HPSE2: variants seen among roughly 807,000 people sequenced by gnomAD.
HPSE2 encodes heparanase 2 (inactive).
Under a neutral mutation model 60.5 loss-of-function variants are expected in HPSE2, and 38 were observed. The ratio of observed to expected loss-of-function variants is 0.63; its 90% CI spans 0.48 to 0.82. HPSE2 has a LOEUF of 0.82. HPSE2 is among the 40% of genes least tolerant of loss of function. The pLI is 0.00. For synonymous variants in HPSE2, 295 were observed against 293.2 expected, an observed-to-expected ratio of 1.01 and a Z score of -0.06; for missense variants, 713 against 740.4, an observed-to-expected ratio of 0.96 and a Z score of 0.43.
rs77472829 is a variant in HPSE2 at position 99,125,193 on chromosome 10, G to A, written c.610+19045C>T. 5.1e-3 allele frequency among the ~76,000 whole-genome samples: 775 copies of A among 152,190 alleles called. 6 individuals are homozygous for A. The highest frequency in any genetic ancestry group is 8.2e-3 in the Non-Finnish European group (559 of 68,008). On this transcript the variant is annotated intron_variant, in intron 3 of 11. Coordinates refer to ENST00000370552, the MANE Select transcript of HPSE2 (RefSeq NM_021828.5). Reference sequence around the variant, plus strand: ...TGATCCCTAATAAGGAAAGCTTTACGCTCCCAAACCTAAGAATCACTGCTC... The same window carrying A: ...TGATCCCTAATAAGGAAAGCTTTACACTCCCAAACCTAAGAATCACTGCTC...
At chr10:98,987,118 A>T (rs1437138555) in intron 3 of HPSE2, among the ~76,000 whole-genome samples, 1 of 152,050 alleles carries the variant, frequency 6.6e-6, no homozygotes, top group African/African-American at 2.4e-5. Flanking sequence ...ATAGAAAAAG[A>T]GGGAATCCTC....
rs978895211 is a variant in HPSE2, at chr10:98,902,959, C to T, written c.611-158903G>A. ...GGAGAATTAAAAACATATGCCCACA[C>T]AAAAACTTGAACACAATGCTTATAG... On this transcript the variant is annotated intron_variant, in intron 3 of 11. Coordinates refer to ENST00000370552, the MANE Select transcript of HPSE2 (RefSeq NM_021828.5). Among the ~76,000 whole-genome samples, 3 of 151,960 alleles carry T rather than the reference C, an allele frequency of 2.0e-5. No homozygotes were observed. In the East Asian group the frequency reaches 5.8e-4, roughly 29 times the overall value.
Position 99,090,126 on chromosome 10 carries a change from T to C in HPSE2, c.610+54112A>G, listed in dbSNP as rs192320736. Among the ~76,000 whole-genome samples the C allele has an allele frequency of 1.8e-3, 273 of 152,246 alleles. 2 individuals are homozygous for C. The highest frequency in any genetic ancestry group is 6.0e-3 in the African/African-American group (248 of 41,580). On this transcript the variant is annotated intron_variant, in intron 3 of 11. Transcript: ENST00000370552. ...TCATGTCATCAGCAAACAGTGACAA[T>C]TGGGCTTCCTCTTTACTGATCTGGA...
At position 98,507,392 on chromosome 10, in the gene HPSE2, G is replaced by A. The variant is rs145523451; in HGVS notation, c.1321-17196C>T. Among the ~76,000 whole-genome samples the A allele has an allele frequency of 3.4e-3, 512 of 152,268 alleles. 5 individuals carry two copies. Among genetic ancestry groups the A allele is most frequent in the African/African-American group, 0.012 (481 of 41,554 alleles). ...TTATCAGAGCTTCCTTTAGGAAGAC[G>A]ACGTTATTGACCCAGGTATAGGCTG... On this transcript the variant is annotated intron_variant, in intron 9 of 11. Transcript: ENST00000370552.
chr10:98,630,835 C>T (rs763514743), intron 7 of HPSE2, among the ~76,000 whole-genome samples: 4 of 152,114 alleles, frequency 2.6e-5, no homozygotes, highest in Non-Finnish European at 5.9e-5. Context: ...AACTAATAAT[C>T]TCAGTATCAC....
chr10:98,522,309 G>A (rs1445581870), intron 9 of HPSE2, among the ~76,000 whole-genome samples: 1 of 151,812 alleles, frequency 6.6e-6, no homozygotes, highest in African/African-American at 2.4e-5. Context: ...ATCAGGCTGT[G>A]GAGAGATAGA....
intron 3 of HPSE2, among the ~76,000 whole-genome samples, chr10:99,111,565 C>T (rs536868665): frequency 6.6e-6 from 1 of 152,312 alleles, no homozygotes; most frequent in African/African-American, 2.4e-5. Context: ...AATTGTTCAA[C>T]AATTCGAATT....
chr10:99,149,968 T>C (rs1341357117), intron 2 of HPSE2, among the ~76,000 whole-genome samples: 3 of 152,036 alleles, frequency 2.0e-5, no homozygotes, highest in Admixed American at 2.0e-4. Context: ...CAGATGTTCT[T>C]TGTTGTTATG....
chr10:98,561,984 A>G (rs987775878), intron 9 of HPSE2, among the ~76,000 whole-genome samples: 1 of 152,184 alleles, frequency 6.6e-6, no homozygotes, highest in African/African-American at 2.4e-5. Flanking sequence ...TTCACTCAAC[A>G]CTCATTTATT....
intron 3 of HPSE2, among the ~76,000 whole-genome samples, chr10:99,111,353 T>C (rs1159664878): frequency 1.3e-5 from 2 of 152,210 alleles, no homozygotes; most frequent in African/African-American, 2.4e-5. Context: ...TGTATTCTTT[T>C]TCTTAAAGAG....
chr10:98,812,102 G>C (rs1341389350), intron 3 of HPSE2, among the ~76,000 whole-genome samples: 1 of 152,014 alleles, frequency 6.6e-6, no homozygotes, highest in African/African-American at 2.4e-5. Context: ...CATTTGATTT[G>C]TGTGGTTCTT....
rs1432296434 is a variant in HPSE2 at position 98,931,730 on chromosome 10, T to C, written c.611-187674A>G. ...AGGTATTTTATTCTCTTTGTCACAA[T>C]TGTGAATGGGAGTTCATTCACGATT... On this transcript the variant is annotated intron_variant, in intron 3 of 11. Transcript: ENST00000370552. 4.9e-5 allele frequency among the ~76,000 whole-genome samples: 7 copies of C among 143,694 alleles called. 2 individuals carry two copies. The highest frequency in any genetic ancestry group is 1.7e-4 in the African/African-American group (6 of 35,198). The allele number at this position is 143,694 out of a possible 152,430, so 94.3% of individuals were successfully genotyped here. A position where few individuals can be genotyped will look rare whatever the true frequency, so the allele number is the denominator to read the frequency against.
intron 3 of HPSE2, among the ~76,000 whole-genome samples, chr10:98,986,824 C>T (rs1430101092): frequency 6.6e-6 from 1 of 151,808 alleles, no homozygotes; most frequent in Non-Finnish European, 1.5e-5. Flanking sequence ...ACCACCGATC[C>T]CACAGAAATA....
At chr10:98,463,208 C>A (rs1162998809) in intron 11 of HPSE2, among the ~76,000 whole-genome samples, 2 of 152,114 alleles carry the variant, frequency 1.3e-5, no homozygotes, top group African/African-American at 2.4e-5. Flanking sequence ...TGTCACTGCA[C>A]CGCTTCAAAC....
rs1230580936 is a variant in HPSE2, at chr10:99,154,535, T to G, written c.449-10136A>C. Among the ~76,000 whole-genome samples, 3 of 148,722 alleles carry G rather than the reference T, an allele frequency of 2.0e-5. No individual in the cohort carries two copies. In the East Asian group the frequency reaches 5.9e-4, roughly 29 times the overall value. On this transcript the variant is annotated intron_variant, in intron 2 of 11. Transcript: ENST00000370552. The stretch of plus-strand genomic sequence containing the variant: ...TAAGTGAAGGAGAAATAAAATACTT[T>G]ACAGACAAGCAAATGCTGAGAGATT...
chr10:99,312,105 G>A, the HPSE2 span, among the ~76,000 whole-genome samples: 1 of 152,114 alleles, frequency 6.6e-6, no homozygotes, highest in Non-Finnish European at 1.5e-5. Flanking sequence ...GGTTCACGAG[G>A]TTTAAGAAAA....
intron 2 of HPSE2, among the ~76,000 whole-genome samples, chr10:99,229,652 C>A (rs1349118765): frequency 1.3e-5 from 2 of 152,186 alleles, no homozygotes; most frequent in Admixed American, 6.5e-5. Flanking sequence ...GCCAGGCATG[C>A]AGTGCAACCT....
intron 4 of HPSE2, among the ~76,000 whole-genome samples, chr10:98,724,992 T>C: frequency 6.6e-6 from 1 of 151,924 alleles, no homozygotes; most frequent in East Asian, 1.9e-4. Flanking sequence ...TAAAAGACGA[T>C]ACAAACAAAT....
the HPSE2 span, among the ~76,000 whole-genome samples, chr10:99,273,743 G>A: frequency 1.1e-4 from 16 of 152,316 alleles, no homozygotes; most frequent in Admixed American, 7.2e-4. Flanking sequence ...TGGATGGAAA[G>A]ATGGATAGAC....
Sources: allele counts gnomAD v4.1 joint callset (sites outside exome capture counted in the v4.1 genomes callset), GRCh38; gene constraint gnomAD v4.1.1; transcripts MANE v1.5; gene names NCBI Gene and HGNC (gene_info 2026-07-23, HGNC 2026-07-21).